Variants in SEC24A observed in about 807,000 individuals in gnomAD.
The protein encoded by SEC24A is SEC24 homolog A, COPII component.
SEC24A carries 93 observed loss-of-function variants against 129.4 expected under a neutral mutation model. The observed-to-expected ratio is 0.72, with a 90% confidence interval of 0.61 to 0.85. SEC24A has a LOEUF of 0.85. SEC24A is among the 40% of genes least tolerant of loss of function. The probability of loss-of-function intolerance (pLI) is 0.00; values close to 1 mark genes in which losing one functional copy is unlikely to be tolerated. For synonymous variants in SEC24A, 460 were observed against 467.3 expected (o/e 0.98, Z 0.20); for missense variants, 1,264 against 1,307.4 (o/e 0.97, Z 0.51).
Position 134,661,147 on chromosome 5 carries a change from A to C in SEC24A, c.126A>C (p.Ser42=). Reference sequence around the variant, plus strand: ...CTGTCCAAAATGCATTGCTGTCTTCACAAGAGTCAGTGAGCCAAGGATACA... The same window carrying C: ...CTGTCCAAAATGCATTGCTGTCTTCCCAAGAGTCAGTGAGCCAAGGATACA... ...NGPVQNALLS[S]QESVSQGYNF... The change falls in exon 2 of 23, where the codon TCA becomes TCC. Residue 42 remains serine, a synonymous_variant. Coordinates refer to ENST00000398844, the MANE Select transcript of SEC24A (RefSeq NM_021982.3). 1 of 1,612,128 alleles carries C rather than the reference A, an allele frequency of 6.2e-7. No homozygotes were observed. The highest frequency in any genetic ancestry group is 8.5e-7 in the Non-Finnish European group (1 of 1,179,066).
rs778769630 is a variant in SEC24A at position 134,725,008 on chromosome 5, C to A, written c.3196C>A (p.Leu1066Ile). The A allele has an allele frequency of 6.8e-6, 11 of 1,608,988 alleles. No individual in the cohort carries two copies. The highest frequency in any genetic ancestry group is 2.6e-6 in the Non-Finnish European group (3 of 1,176,262). ...TGAGAGTCCAATGAAAGCAAACTTC[C>A]TTCAAAACATGATAGAAGACAGAAC... is the stretch of plus-strand genomic sequence containing the variant. ...RDESPMKANF[L>I]QNMIEDRTES... The change falls in exon 23 of 23, where the codon CTT (leucine) becomes ATT (isoleucine). Residue 1066 changes from leucine (L) to isoleucine (I), a missense_variant. Coordinates refer to ENST00000398844, the MANE Select transcript of SEC24A (RefSeq NM_021982.3).
chr5:134,671,972 C>A, intron 4 of SEC24A, 86 bp downstream of exon 4: 1 of 805,990 alleles, frequency 1.2e-6, no homozygotes, highest in South Asian at 1.6e-5. Context: ...ATATAGGAAA[C>A]TAAGAGGGAA....
chr5:134,716,749 G>A (rs1459172878), intron 19 of SEC24A, among the ~76,000 whole-genome samples: 1 of 136,972 alleles, frequency 7.3e-6, no homozygotes, highest in Non-Finnish European at 1.5e-5. Context: ...AGTGAGCTGA[G>A]ATCATGCCAT....
At chr5:134,652,134 C>G (rs1417953394) in intron 1 of SEC24A, among the ~76,000 whole-genome samples, 1 of 151,734 alleles carries the variant, frequency 6.6e-6, no homozygotes, top group African/African-American at 2.4e-5. Flanking sequence ...ATTGGTCAGG[C>G]TGGTCTCAAA....
rs6884245 is a variant in SEC24A, at chr5:134,727,351, A to C, written c.*2257A>C. 8 of 152,522 alleles carry C rather than the reference A, an allele frequency of 5.2e-5. No individual in the cohort carries two copies. The highest frequency in any genetic ancestry group is 1.4e-4 in the African/African-American group (6 of 41,386). 9.4% of individuals were successfully genotyped at this position (152,522 alleles called of 1,614,324 possible). ...CTTGGTATTTAAATCTGAGCATGGC[A>C]GTTCTACCATAAAAAGTACTCTATT... On this transcript the variant is annotated 3_prime_UTR_variant, in exon 23 of 23. Transcript: ENST00000398844.
chr5:134,648,994 C>G lies in SEC24A; in HGVS notation c.-83C>G. The G allele has an allele frequency of 3.0e-6, 3 of 998,208 alleles. No homozygotes were observed. The highest frequency in any genetic ancestry group is 3.0e-5 in the South Asian group (2 of 67,124). The allele number at this position is 998,208 out of a possible 1,614,324, so 61.8% of individuals were successfully genotyped here. A position where few individuals can be genotyped will look rare whatever the true frequency, so the allele number is the denominator to read the frequency against. ...TTCAGTCTTAAGTCGTTAGCCTCCT[C>G]CCTCCGCTTTCAGCAGTGGTCTTTC... On this transcript the variant is annotated 5_prime_UTR_variant, in exon 1 of 23. Transcript: ENST00000398844.
intron 9 of SEC24A, among the ~76,000 whole-genome samples, chr5:134,684,777 G>C (rs943780129): frequency 2.0e-5 from 3 of 152,158 alleles, no homozygotes; most frequent in Admixed American, 6.6e-5. Flanking sequence ...GCCATCTACA[G>C]AGTAGATGTT....
chr5:134,721,347 G>C (rs192441722), intron 21 of SEC24A, among the ~76,000 whole-genome samples: 1 of 150,588 alleles, frequency 6.6e-6, no homozygotes, highest in Non-Finnish European at 1.5e-5. Context: ...GGCTGATCAC[G>C]AGGTCAAGAG....
intron 17 of SEC24A, among the ~76,000 whole-genome samples, chr5:134,705,887 C>CTTT (rs548555016): frequency 7.1e-6 from 1 of 140,566 alleles, no homozygotes; most frequent in Non-Finnish European, 1.6e-5. Context: ...TTAGCTATAT[C>CTTT]TTTTTTTTTT....
chr5:134,656,108 A>T, intron 1 of SEC24A, among the ~76,000 whole-genome samples: 1 of 141,020 alleles, frequency 7.1e-6, no homozygotes, highest in African/African-American at 2.6e-5. Flanking sequence ...TTTAAGACAG[A>T]GTCTTGCTCT....
chr5:134,693,052 G>A (rs1232917709), intron 12 of SEC24A: 1 of 1,535,900 alleles, frequency 6.5e-7, no homozygotes, highest in Non-Finnish European at 8.7e-7. Flanking sequence ...GGTCAGTTCA[G>A]AAGAAACTCT....
chr5:134,699,574 C>CA lies in SEC24A; in HGVS notation c.2266+1518dup, dbSNP rs1309926039. ...TCGGCCTCCCAAAGTGCTGGGATTA[C>CA]AGGCATGAGCTACCGCACCTGGCCC... On this transcript the variant is annotated intron_variant, in intron 15 of 22. Coordinates refer to ENST00000398844, the MANE Select transcript of SEC24A (RefSeq NM_021982.3). 7.2e-5 allele frequency among the ~76,000 whole-genome samples: 11 copies of CA among 152,128 alleles called. 1 individual carries two copies. The highest frequency in any genetic ancestry group is 7.2e-4 in the Admixed American group (11 of 15,238).
intron 15 of SEC24A, among the ~76,000 whole-genome samples, chr5:134,699,489 C>T (rs1048426080): frequency 2.6e-5 from 4 of 151,362 alleles, no homozygotes; most frequent in African/African-American, 9.7e-5. Context: ...TTAGTAGAGA[C>T]GGGGTTTCAC....
intron 1 of SEC24A, among the ~76,000 whole-genome samples, chr5:134,659,438 A>G (rs919258580): frequency 2.0e-5 from 3 of 152,110 alleles, no homozygotes; most frequent in Non-Finnish European, 4.4e-5. Context: ...TTATCCATTT[A>G]GTGAAGGTGT....
At chr5:134,712,432 A>G (rs1158906138) in intron 18 of SEC24A, among the ~76,000 whole-genome samples, 4 of 151,398 alleles carry the variant, frequency 2.6e-5, no homozygotes, top group South Asian at 4.2e-4. Context: ...TTGTATTTTT[A>G]GTAGAGACAG....
At chr5:134,660,887 T>C (rs1425410937) in intron 1 of SEC24A, among the ~76,000 whole-genome samples, 1 of 152,178 alleles carries the variant, frequency 6.6e-6, no homozygotes, top group Non-Finnish European at 1.5e-5. Context: ...ATTTCTGTTA[T>C]GACTAATTAT....
Position 134,686,796 on chromosome 5 carries a change from C to G in SEC24A, c.1498C>G (p.Pro500Ala), listed in dbSNP as rs1751468209. 1 of 1,587,242 alleles carries G rather than the reference C, an allele frequency of 6.3e-7. No homozygotes were observed. The highest frequency in any genetic ancestry group is 8.6e-7 in the Non-Finnish European group (1 of 1,167,352). Residue 500 changes from proline (P) to alanine (A), a missense_variant, in exon 10 of 23, where the codon CCA (proline) becomes GCA (alanine). Transcript: ENST00000398844. Reference sequence around the variant, plus strand: ...AAGATCTTTTTTTCTTCAGTTACGACCACCTCAGCCTCCAGTGTATCTCTT... The same window carrying G: ...AAGATCTTTTTTTCTTCAGTTACGAGCACCTCAGCCTCCAGTGTATCTCTT... ...FMAPSEYMLRPPQPPVYLFVF... is the reference protein window; with the variant it reads ...FMAPSEYMLRAPQPPVYLFVF...
chr5:134,661,084 T>C, intron 1 of SEC24A, 35 bp from the exon 2 acceptor site: 5 of 1,425,980 alleles, frequency 3.5e-6, no homozygotes, highest in Non-Finnish European at 4.8e-6. Context: ...GCTATATTCG[T>C]TGGTAAGACT....
intron 4 of SEC24A, among the ~76,000 whole-genome samples, chr5:134,673,891 C>T (rs1042460434): frequency 5.9e-5 from 9 of 152,022 alleles, no homozygotes; most frequent in African/African-American, 1.7e-4. Flanking sequence ...ATCCTATCTT[C>T]GGGAGGCCAA....
Sources: allele counts gnomAD v4.1 joint callset (sites outside exome capture counted in the v4.1 genomes callset), GRCh38; gene constraint gnomAD v4.1.1; transcripts MANE v1.5; gene names NCBI Gene and HGNC (gene_info 2026-07-23, HGNC 2026-07-21).